The following TAF1B variants were observed in gnomAD, a reference collection of about 807,000 sequenced individuals.
TAF1B encodes the protein TATA box-binding protein-associated factor RNA polymerase I subunit B.
A neutral mutation model predicts 83.9 loss-of-function variants in TAF1B; 61 were observed. The observed-to-expected ratio is 0.73, with a 90% CI of 0.59 to 0.90. TAF1B has a LOEUF of 0.90. TAF1B is among the 40% of genes least tolerant of loss of function. The pLI, the probability that TAF1B is intolerant of heterozygous loss-of-function variation, is 0.00. For missense variants in TAF1B, 625 were observed against 677.0 expected (o/e 0.92, Z 0.85); for synonymous variants, 221 against 224.6 (o/e 0.98, Z 0.14).
chr2:9,860,303 C>T (rs536233350), intron 5 of TAF1B, among the ~76,000 whole-genome samples: 7 of 152,156 alleles, frequency 4.6e-5, no homozygotes, highest in Non-Finnish European at 7.4e-5. Flanking sequence ...AGGTCTGAGC[C>T]GGAGACATAA....
chr2:9,900,859 A>G (rs1452842605), intron 8 of TAF1B, among the ~76,000 whole-genome samples: 1 of 152,214 alleles, frequency 6.6e-6, no homozygotes, highest in Admixed American at 6.5e-5. Context: ...TTGACATACT[A>G]GAAAGATAAT....
chr2:9,928,034 T>C (rs1325004596), intron 14 of TAF1B, among the ~76,000 whole-genome samples: 1 of 152,174 alleles, frequency 6.6e-6, no homozygotes, highest in Non-Finnish European at 1.5e-5. Context: ...TTGAATTAAT[T>C]TTTGTATAAG....
At chr2:9,897,669 C>T (rs143794238) in intron 8 of TAF1B, among the ~76,000 whole-genome samples, 31 of 152,254 alleles carry the variant, frequency 2.0e-4, no homozygotes, top group Admixed American at 1.4e-3. Flanking sequence ...GAAAAAGACT[C>T]GTCCAGAGCT....
chr2:9,933,205 T>C lies in TAF1B; in HGVS notation c.1566-578T>C, dbSNP rs140880654. Among the ~76,000 whole-genome samples the C allele has an allele frequency of 6.4e-3, 973 of 152,288 alleles. 17 individuals are homozygous for C. The highest frequency in any genetic ancestry group is 0.022 in the African/African-American group (911 of 41,560). ...GTCCCAGTGAGATGAACCAGGTACC[T>C]CAGCTGGAAATGCAGAAATCACCCG... On this transcript the variant is annotated intron_variant, in intron 14 of 14. Transcript: ENST00000263663.
chr2:9,875,331 A>T (rs552479032), intron 6 of TAF1B, among the ~76,000 whole-genome samples: 1 of 152,202 alleles, frequency 6.6e-6, no homozygotes, highest in Admixed American at 6.5e-5. Context: ...TTTTTGGCTG[A>T]TTTTATTCTA....
At chr2:9,885,509 G>A (rs1027159183) in intron 8 of TAF1B, among the ~76,000 whole-genome samples, 1 of 152,310 alleles carries the variant, frequency 6.6e-6, no homozygotes, top group Admixed American at 6.5e-5. Context: ...CAGCAAAACT[G>A]GTTTCACCCT....
intron 8 of TAF1B, among the ~76,000 whole-genome samples, chr2:9,885,697 T>A (rs1229968444): frequency 6.6e-6 from 1 of 152,160 alleles, no homozygotes; most frequent in Non-Finnish European, 1.5e-5. Flanking sequence ...TTGTCTTGGT[T>A]AATAACAATG....
At chr2:9,872,487 C>T (rs991326844) in intron 6 of TAF1B, among the ~76,000 whole-genome samples, 3 of 152,136 alleles carry the variant, frequency 2.0e-5, no homozygotes, top group Non-Finnish European at 4.4e-5. Flanking sequence ...TGCTTTTTGG[C>T]ATATTCCCCA....
At chr2:9,884,150 A>G (rs1383533927) in intron 8 of TAF1B, among the ~76,000 whole-genome samples, 1 of 152,226 alleles carries the variant, frequency 6.6e-6, no homozygotes, top group African/African-American at 2.4e-5. Flanking sequence ...CATGATTGCC[A>G]GCGATCCGCG....
At chr2:9,915,423 G>A (rs1665653202) in intron 12 of TAF1B, among the ~76,000 whole-genome samples, 1 of 152,060 alleles carries the variant, frequency 6.6e-6, no homozygotes, top group South Asian at 2.1e-4. Flanking sequence ...TGTATCTAGA[G>A]TATATAAAGA....
chr2:9,856,270 G>A (rs548228204), intron 5 of TAF1B, among the ~76,000 whole-genome samples: 52 of 151,992 alleles, frequency 3.4e-4, no homozygotes, highest in Admixed American at 1.5e-3. Context: ...TATCCTGGCG[G>A]GCAGTTGTGG....
intron 6 of TAF1B, among the ~76,000 whole-genome samples, chr2:9,875,383 G>A (rs1664292365): frequency 6.6e-6 from 1 of 152,080 alleles, no homozygotes; most frequent in Admixed American, 6.5e-5. Context: ...CTTTGTAAAG[G>A]TTTTATAACT....
intron 4 of TAF1B, 83 bp downstream of exon 4, chr2:9,851,721 T>G: frequency 8.8e-7 from 1 of 1,142,168 alleles, no homozygotes; most frequent in Non-Finnish European, 1.3e-6. Context: ...TAAGGAGAAA[T>G]CAGTAGTAAC....
At chr2:9,896,678 G>C (rs1665029260) in intron 8 of TAF1B, among the ~76,000 whole-genome samples, 1 of 101,426 alleles carries the variant, frequency 9.9e-6, no homozygotes, top group African/African-American at 2.6e-5. Flanking sequence ...TATCCCAGCT[G>C]AGCTTTCTTT....
intron 8 of TAF1B, among the ~76,000 whole-genome samples, chr2:9,884,198 C>T (rs781510605): frequency 2.2e-4 from 33 of 152,196 alleles, no homozygotes; most frequent in African/African-American, 2.7e-4. Flanking sequence ...AAGCAGTTTC[C>T]GCAGCTGGCA....
chr2:9,876,761 T>G (rs1664332269), intron 7 of TAF1B, among the ~76,000 whole-genome samples: 1 of 152,190 alleles, frequency 6.6e-6, no homozygotes, highest in Non-Finnish European at 1.5e-5. Flanking sequence ...AGTAAGTCAT[T>G]TAATTTGTCT....
At chr2:9,927,135 C>G (rs1034486108) in intron 14 of TAF1B, among the ~76,000 whole-genome samples, 1 of 150,076 alleles carries the variant, frequency 6.7e-6, no homozygotes, top group Non-Finnish European at 1.5e-5. Context: ...GTTTTCTGTC[C>G]TTGTGATAGT....
chr2:9,858,437 A>T (rs1474580824), intron 5 of TAF1B, among the ~76,000 whole-genome samples: 1 of 152,152 alleles, frequency 6.6e-6, no homozygotes, highest in African/African-American at 2.4e-5. Context: ...ATGGTGCAAG[A>T]TGTCAGTGGC....
At chr2:9,847,879 A>G (rs1170549322) in intron 2 of TAF1B, among the ~76,000 whole-genome samples, 1 of 152,208 alleles carries the variant, frequency 6.6e-6, no homozygotes, top group Non-Finnish European at 1.5e-5. Context: ...AAATGGAGAA[A>G]GGGATGTGTG....
Sources: allele counts gnomAD v4.1 joint callset (sites outside exome capture counted in the v4.1 genomes callset), GRCh38; gene constraint gnomAD v4.1.1; transcripts MANE v1.5; gene names NCBI Gene and HGNC (gene_info 2026-07-23, HGNC 2026-07-21).